Variants in ROBO2 observed in about 807,000 individuals in gnomAD.
The protein encoded by ROBO2 is roundabout guidance receptor 2, also known as roundabout homolog 2.
A neutral mutation model predicts 160.8 loss-of-function variants in ROBO2; 53 were observed. The ratio of observed to expected loss-of-function variants is 0.33; its 90% CI spans 0.26 to 0.41. The LOEUF is 0.41. ROBO2 is among the 10% of genes least tolerant of loss of function. The pLI is 1.00. For synonymous variants in ROBO2, 664 were observed against 611.7 expected, an observed-to-expected ratio of 1.09 and a Z score of -1.26; for missense variants, 1,577 against 1,722.4, an observed-to-expected ratio of 0.92 and a Z score of 1.49.
intron 2 of ROBO2, among the ~76,000 whole-genome samples, chr3:77,445,616 C>A: frequency 6.6e-6 from 1 of 151,946 alleles, no homozygotes; most frequent in Middle Eastern, 3.4e-3. Context: ...AGGTTTTCCA[C>A]AAAGTAAAGA....
chr3:77,532,791 C>G (rs186151448), intron 6 of ROBO2, among the ~76,000 whole-genome samples: 1 of 149,432 alleles, frequency 6.7e-6, no homozygotes, highest in Non-Finnish European at 1.5e-5. Context: ...TGTCTTTTAG[C>G]CTTTGTAACC....
intron 2 of ROBO2, among the ~76,000 whole-genome samples, chr3:76,307,279 C>T (rs1287304332): frequency 1.3e-5 from 2 of 152,146 alleles, no homozygotes; most frequent in Non-Finnish European, 2.9e-5. Flanking sequence ...CCTTCTCTGC[C>T]CTGAATGTCC....
chr3:77,207,644 A>G (rs2083601800), intron 2 of ROBO2, among the ~76,000 whole-genome samples: 2 of 152,176 alleles, frequency 1.3e-5, no homozygotes, highest in African/African-American at 4.8e-5. Flanking sequence ...ATCCAAAAGT[A>G]TTTTCACTCT....
chr3:77,460,990 A>G (rs879544404), intron 2 of ROBO2, among the ~76,000 whole-genome samples: 2 of 152,176 alleles, frequency 1.3e-5, no homozygotes, highest in Non-Finnish European at 2.9e-5. Flanking sequence ...AATATTGAAA[A>G]GGAAATAATG....
chr3:76,296,587 T>C (rs2107723218), intron 2 of ROBO2, among the ~76,000 whole-genome samples: 1 of 152,238 alleles, frequency 6.6e-6, no homozygotes, highest in South Asian at 2.1e-4. Context: ...TATGTATCTG[T>C]TAAAACACTT....
At chr3:76,257,296 A>G (rs1235252805) in intron 2 of ROBO2, among the ~76,000 whole-genome samples, 7 of 151,270 alleles carry the variant, frequency 4.6e-5, no homozygotes, top group African/African-American at 9.7e-5. Context: ...ACACGTGCAT[A>G]TGTGTGTGTG....
rs114468492 is a variant in ROBO2, at chr3:76,067,568, G to T, written c.109+129966G>T. ...GGCTCCATACAATTAAGTAGAAAAG[G>T]AATCTCTTTTTTATATTATTCTTAT... On this transcript the variant is annotated intron_variant, in intron 2 of 26. Coordinates refer to the ROBO2 transcript ENST00000487694. 6.7e-3 allele frequency among the ~76,000 whole-genome samples: 1,012 copies of T among 152,098 alleles called. 7 individuals carry two copies. Among genetic ancestry groups the T allele is most frequent in the Non-Finnish European group, 8.9e-3 (607 of 67,978 alleles).
chr3:76,373,211 T>A (rs1387663952), intron 2 of ROBO2, among the ~76,000 whole-genome samples: 1 of 151,968 alleles, frequency 6.6e-6, no homozygotes. Context: ...AAACCTGCAT[T>A]ATGGTTTTGA....
At chr3:76,590,735 T>G (rs1342050347) in intron 2 of ROBO2, among the ~76,000 whole-genome samples, 1 of 152,094 alleles carries the variant, frequency 6.6e-6, no homozygotes, top group Non-Finnish European at 1.5e-5. Flanking sequence ...TGTGGGTCAT[T>G]CACTACTTTA....
intron 2 of ROBO2, among the ~76,000 whole-genome samples, chr3:76,293,413 C>T (rs1476696740): frequency 2.6e-5 from 4 of 152,140 alleles, no homozygotes; most frequent in East Asian, 1.9e-4. Flanking sequence ...CAGACTGAAC[C>T]GGAATGTCTG....
At chr3:76,066,330 A>G (rs1215737205) in intron 2 of ROBO2, among the ~76,000 whole-genome samples, 3 of 152,122 alleles carry the variant, frequency 2.0e-5, no homozygotes, top group Non-Finnish European at 2.9e-5. Context: ...TCTTACACCA[A>G]TTTATAACTT....
At chr3:77,027,761 AGT>A (rs2063062293) in intron 2 of ROBO2, among the ~76,000 whole-genome samples, 1 of 152,200 alleles carries the variant, frequency 6.6e-6, no homozygotes, top group Non-Finnish European at 1.5e-5. Context: ...AGATACACAC[AGT>A]GTGTTTAATT....
intron 2 of ROBO2, among the ~76,000 whole-genome samples, chr3:75,949,396 G>T (rs1948449840): frequency 1.3e-5 from 2 of 151,986 alleles, no homozygotes; most frequent in South Asian, 2.1e-4. Flanking sequence ...TATCTCAGAG[G>T]AATTTTGTGT....
intron 2 of ROBO2, among the ~76,000 whole-genome samples, chr3:77,465,162 T>C (rs540268771): frequency 6.6e-6 from 1 of 152,204 alleles, no homozygotes; most frequent in Admixed American, 6.5e-5. Flanking sequence ...AAGGTTAATA[T>C]GGTGCATGAA....
Position 76,177,793 on chromosome 3 carries a change from T to C in ROBO2, c.109+240191T>C, listed in dbSNP as rs954980162. Among the ~76,000 whole-genome samples the C allele has an allele frequency of 8.5e-5, 13 of 152,184 alleles. No homozygotes were observed. In the South Asian group the frequency reaches 2.7e-3, roughly 32 times the overall value. ...GACAGAGCAGAGAAATATAGACAGA[T>C]GGATAACAGATAGTAGGGTTCTAAG... On this transcript the variant is annotated intron_variant, in intron 2 of 26. Transcript: ENST00000487694.
At chr3:76,180,978 A>G (rs76711583) in intron 2 of ROBO2, among the ~76,000 whole-genome samples, 4,298 of 152,132 alleles carry the variant, frequency 0.028, 331 homozygotes, top group East Asian at 0.24. Flanking sequence ...TCTAGCCTGT[A>G]TTCCTGACTC....
intron 2 of ROBO2, among the ~76,000 whole-genome samples, chr3:76,630,678 G>A (rs775343480): frequency 1.1e-4 from 16 of 152,294 alleles, no homozygotes; most frequent in Non-Finnish European, 2.1e-4. Flanking sequence ...GGTGAATGGA[G>A]AAATTGACAA....
intron 2 of ROBO2, among the ~76,000 whole-genome samples, chr3:77,185,226 G>C (rs779966722): frequency 2.0e-5 from 3 of 151,992 alleles, no homozygotes; most frequent in Non-Finnish European, 4.4e-5. Context: ...GGAAATATAG[G>C]ATAGTGGATA....
chr3:77,557,935 A>G lies in ROBO2; in HGVS notation c.1232-9A>G, dbSNP rs2093181694. 2.5e-6 allele frequency: 4 copies of G among 1,610,914 alleles called. No homozygotes were observed. Among genetic ancestry groups the G allele is most frequent in the Non-Finnish European group, 3.4e-6 (4 of 1,177,480 alleles). ...TGTTAAAATACCTGAAAAGAGCTTT[A>G]TTCTTCAGTTTTGACAGATAGACCT... On this transcript the variant is annotated splice_polypyrimidine_tract_variant and intron_variant, in intron 8 of 25. Coordinates refer to ENST00000461745, the Ensembl canonical transcript of ROBO2.
Sources: allele counts gnomAD v4.1 joint callset (sites outside exome capture counted in the v4.1 genomes callset), GRCh38; gene constraint gnomAD v4.1.1; transcripts MANE v1.5; gene names NCBI Gene and HGNC (gene_info 2026-07-23, HGNC 2026-07-21).